The following AOAH variants were observed in gnomAD, a reference collection of about 807,000 sequenced individuals.
AOAH encodes acyloxyacyl hydrolase, also known as acyloxyacyl hydrolase (neutrophil).
In AOAH, 64 loss-of-function variants were observed where a neutral mutation model predicts 92.2. The ratio of observed to expected loss-of-function variants is 0.69; its 90% CI spans 0.57 to 0.86. AOAH has a LOEUF of 0.86. Among genes scored for constraint, AOAH ranks in the 40% least tolerant of loss-of-function variants. The probability of loss-of-function intolerance (pLI) is 0.00; values close to 1 mark genes in which losing one functional copy is unlikely to be tolerated. For synonymous variants in AOAH, 263 were observed against 254.5 expected, an observed-to-expected ratio of 1.03 and a Z score of -0.32; for missense variants, 656 against 694.6, an observed-to-expected ratio of 0.94 and a Z score of 0.62.
intron 11 of AOAH, among the ~76,000 whole-genome samples, chr7:36,599,363 C>T (rs974918101): frequency 2.0e-5 from 3 of 152,178 alleles, no homozygotes; most frequent in African/African-American, 7.2e-5. Flanking sequence ...CTGATTCTGC[C>T]AGTCTTCCAG....
At chr7:36,605,358 G>A (rs968381783) in intron 11 of AOAH, among the ~76,000 whole-genome samples, 2 of 152,158 alleles carry the variant, frequency 1.3e-5, no homozygotes, top group East Asian at 1.9e-4. Context: ...GATTCTAGGC[G>A]TTTCCCCTGT....
At chr7:36,688,507 TA>T (rs985018373) in intron 1 of AOAH, among the ~76,000 whole-genome samples, 1 of 150,874 alleles carries the variant, frequency 6.6e-6, no homozygotes, top group African/African-American at 2.5e-5. Context: ...TAACTACAAC[TA>T]AAAAATAATG....
intron 1 of AOAH, among the ~76,000 whole-genome samples, chr7:36,720,450 C>T (rs113371523): frequency 2.6e-5 from 4 of 152,092 alleles, no homozygotes; most frequent in African/African-American, 7.2e-5. Context: ...GGATTACAGG[C>T]GTAAGCCACC....
intron 12 of AOAH, among the ~76,000 whole-genome samples, chr7:36,579,003 CAGG>C (rs933836941): frequency 3.3e-5 from 5 of 152,056 alleles, no homozygotes; most frequent in Non-Finnish European, 7.4e-5. Flanking sequence ...AAAAGCAGAG[CAGG>C]AGAACAAGCA....
In AOAH at chr7:36,616,482, G is replaced by T. The variant is rs757622452; in HGVS notation, c.752-8C>A. ...TTCCCCTGGGCTGTGAACCTAGGCA[G>T]CACAATTTATTCACATTATTTATGC... is the stretch of plus-strand genomic sequence containing the variant. On this transcript the variant is annotated splice_polypyrimidine_tract_variant and splice_region_variant and intron_variant, in intron 10 of 20. Transcript: ENST00000617537. 3 of 1,612,170 alleles carry T rather than the reference G, an allele frequency of 1.9e-6. No individual in the cohort carries two copies. Among genetic ancestry groups the T allele is most frequent in the Non-Finnish European group, 2.5e-6 (3 of 1,178,434 alleles).
chr7:36,652,581 G>A (rs1299047940), intron 4 of AOAH, among the ~76,000 whole-genome samples: 1 of 152,180 alleles, frequency 6.6e-6, no homozygotes, highest in Non-Finnish European at 1.5e-5. Flanking sequence ...CCTGGCAAAT[G>A]ACCCTTTCAC....
chr7:36,515,303 C>T (rs1210299199), intron 20 of AOAH, among the ~76,000 whole-genome samples: 2 of 114,842 alleles, frequency 1.7e-5, no homozygotes, highest in African/African-American at 6.9e-5. Flanking sequence ...CACACACACA[C>T]TATACCCCAC....
At chr7:36,640,958 A>T (rs978589577) in intron 4 of AOAH, among the ~76,000 whole-genome samples, 2 of 152,174 alleles carry the variant, frequency 1.3e-5, no homozygotes, top group African/African-American at 4.8e-5. Flanking sequence ...ATAGCTGTGC[A>T]CAGGAGCCGA....
At chr7:36,570,996 A>G (rs376938962) in intron 13 of AOAH, among the ~76,000 whole-genome samples, 188 of 152,144 alleles carry the variant, frequency 1.2e-3, no homozygotes, top group African/African-American at 4.4e-3. Flanking sequence ...ATAACGAACC[A>G]TACACCAAGG....
intron 3 of AOAH, among the ~76,000 whole-genome samples, chr7:36,662,842 G>C (rs1254436691): frequency 6.6e-6 from 1 of 152,174 alleles, no homozygotes; most frequent in East Asian, 1.9e-4. Context: ...TGGACATGTG[G>C]TGTCCCTCTA....
At chr7:36,597,900 A>AT (rs1390114929) in intron 11 of AOAH, 1 of 152,172 alleles carries the variant, frequency 6.6e-6, no homozygotes, top group Non-Finnish European at 1.5e-5. Flanking sequence ...TACAAAGAAG[A>AT]AACACAAATC....
chr7:36,587,741 A>G (rs1035569106), intron 12 of AOAH, among the ~76,000 whole-genome samples: 1 of 152,166 alleles, frequency 6.6e-6, no homozygotes, highest in Non-Finnish European at 1.5e-5. Flanking sequence ...AAATTCAAAT[A>G]TTTTCTTTGA....
intron 11 of AOAH, among the ~76,000 whole-genome samples, chr7:36,606,528 A>G (rs1027198700): frequency 5.3e-5 from 8 of 152,166 alleles, no homozygotes; most frequent in African/African-American, 1.9e-4. Flanking sequence ...CAAAATAAAC[A>G]TTTGGGAAAT....
chr7:36,650,371 G>A (rs188858833), intron 4 of AOAH, among the ~76,000 whole-genome samples: 2 of 152,260 alleles, frequency 1.3e-5, no homozygotes, highest in South Asian at 2.1e-4. Context: ...CAGAAAAGGG[G>A]TAGAAATCAA....
At chr7:36,640,097 G>A (rs761013155) in intron 4 of AOAH, among the ~76,000 whole-genome samples, 17 of 152,122 alleles carry the variant, frequency 1.1e-4, no homozygotes, top group East Asian at 3.9e-4. Context: ...CTGGGTTTCC[G>A]ATATTGGTGC....
At chr7:36,662,186 T>C (rs1213928591) in intron 3 of AOAH, among the ~76,000 whole-genome samples, 1 of 152,168 alleles carries the variant, frequency 6.6e-6, no homozygotes, top group African/African-American at 2.4e-5. Flanking sequence ...TCTCCAAATA[T>C]TTTGAGGATA....
intron 1 of AOAH, among the ~76,000 whole-genome samples, chr7:36,697,664 G>A (rs1797800366): frequency 6.6e-6 from 1 of 152,154 alleles, no homozygotes; most frequent in South Asian, 2.1e-4. Flanking sequence ...GGGATTTTCT[G>A]TACCTGGTTG....
At chr7:36,559,899 C>T (rs1583820191) in intron 13 of AOAH, among the ~76,000 whole-genome samples, 1 of 152,202 alleles carries the variant, frequency 6.6e-6, no homozygotes, top group East Asian at 1.9e-4. Context: ...CCATTTGAGT[C>T]AATTTTTGTA....
At chr7:36,679,071 A>T (rs1408807570) in intron 2 of AOAH, among the ~76,000 whole-genome samples, 2 of 152,170 alleles carry the variant, frequency 1.3e-5, no homozygotes, top group African/African-American at 4.8e-5. Flanking sequence ...ATAAAGTTAA[A>T]ATAAGACCAA....
Sources: gnomAD v4.1 joint callset for allele counts (sites outside exome capture counted in the v4.1 genomes callset) on GRCh38, gnomAD v4.1.1 for gene constraint, MANE v1.5 for transcripts, NCBI Gene and HGNC (gene_info 2026-07-23, HGNC 2026-07-21) for gene names.